The following PTPRG variants were observed in gnomAD, a reference collection of about 807,000 sequenced individuals.
PTPRG encodes the protein receptor-type tyrosine-protein phosphatase gamma.
A neutral mutation model predicts 165.3 loss-of-function variants in PTPRG; 102 were observed. That is an observed-to-expected ratio of 0.62 (90% confidence interval 0.53 to 0.73). The LOEUF is 0.73. Ranked by LOEUF, PTPRG falls within the 30% of genes least tolerant of loss-of-function variation. The pLI, the probability that PTPRG is intolerant of heterozygous loss-of-function variation, is 0.00. For missense variants in PTPRG, 1,866 were observed against 1,861.4 expected (o/e 1.00, Z -0.05); for synonymous variants, 675 against 669.5 (o/e 1.01, Z -0.13).
intron 2 of PTPRG, among the ~76,000 whole-genome samples, chr3:61,909,824 A>G (rs1249324050): frequency 6.6e-6 from 1 of 152,242 alleles, no homozygotes; most frequent in East Asian, 1.9e-4. Flanking sequence ...TTTGTATACA[A>G]TAATATACCA....
chr3:61,956,936 G>A (rs1442367550), intron 2 of PTPRG, among the ~76,000 whole-genome samples: 1 of 151,968 alleles, frequency 6.6e-6, no homozygotes, highest in Non-Finnish European at 1.5e-5. Flanking sequence ...TCTGTGCTTT[G>A]CCTCTTTTAT....
In PTPRG at chr3:61,813,327, T is replaced by TAA. The variant is rs757811011; in HGVS notation, c.190+64363_190+64364dup. On this transcript the variant is annotated intron_variant, in intron 2 of 29. Transcript: ENST00000474889. ...TAACACGGTTAAACCCCATGATTACTAAAAAAAAAAAAAAAAAAATAGAAA... is the reference window on the plus strand; with the variant it reads ...TAACACGGTTAAACCCCATGATTACTAAAAAAAAAAAAAAAAAAAAATAGAAA... Among the ~76,000 whole-genome samples the TAA allele has an allele frequency of 1.5e-3, 131 of 87,480 alleles. 1 individual carries two copies. The highest frequency in any genetic ancestry group is 7.9e-3 in the East Asian group (25 of 3,178). 57.4% of individuals were successfully genotyped at this position (87,480 alleles called of 152,430 possible).
In PTPRG at chr3:62,210,261, A is replaced by T. The variant is rs954923898; in HGVS notation, c.2155+6311A>T. 2.0e-5 allele frequency among the ~76,000 whole-genome samples: 3 copies of T among 152,180 alleles called. No individual in the cohort carries two copies. Among genetic ancestry groups the T allele is most frequent in the African/African-American group, 7.2e-5 (3 of 41,450 alleles). On this transcript the variant is annotated intron_variant, in intron 12 of 29. Coordinates refer to ENST00000474889, the MANE Select transcript of PTPRG (RefSeq NM_002841.4). The surrounding 1 kb of genome is among the most constrained non-coding windows in gnomAD (Gnocchi z 4.1). Reference sequence around the variant, plus strand: ...CCAGTGTCCTGTTGCAAGAGAACATATTTATTTGTAACTGATGAACAATCA... The same window carrying T: ...CCAGTGTCCTGTTGCAAGAGAACATTTTTATTTGTAACTGATGAACAATCA...
intron 5 of PTPRG, among the ~76,000 whole-genome samples, chr3:62,122,113 A>G (rs188097401): frequency 6.6e-6 from 1 of 152,184 alleles, no homozygotes; most frequent in Admixed American, 6.5e-5. Context: ...ATGTTTGTCT[A>G]CTTAAATAAG....
chr3:61,709,521 G>A (rs910079743), intron 1 of PTPRG, among the ~76,000 whole-genome samples: 2 of 152,006 alleles, frequency 1.3e-5, no homozygotes, highest in Non-Finnish European at 2.9e-5. Flanking sequence ...TGCCATGTTG[G>A]CCAGGCTGGT....
chr3:62,142,232 G>T (rs1021324503), intron 6 of PTPRG, among the ~76,000 whole-genome samples: 2 of 152,042 alleles, frequency 1.3e-5, no homozygotes, highest in African/African-American at 4.8e-5. Context: ...TTCAAAACAT[G>T]AGAAAACCCA....
Position 61,676,471 on chromosome 3 carries a change from A to AAAAAAAAAAAAAAAAAAAAAAAG in PTPRG, c.86-72404_86-72403insAAAAAAAAAAAAAAAAAAAGAAA, listed in dbSNP as rs369505317. 2.2e-3 allele frequency among the ~76,000 whole-genome samples: 217 copies of AAAAAAAAAAAAAAAAAAAAAAAG among 99,010 alleles called. 31 individuals are homozygous for AAAAAAAAAAAAAAAAAAAAAAAG. The highest frequency in any genetic ancestry group is 3.2e-3 in the Non-Finnish European group (140 of 43,286). The allele number at this position is 99,010 out of a possible 152,430, so 65.0% of individuals were successfully genotyped here. A position where few individuals can be genotyped will look rare whatever the true frequency, so the allele number is the denominator to read the frequency against. On this transcript the variant is annotated intron_variant, in intron 1 of 29. Transcript: ENST00000474889. ...GACTCCATCTCAAAAAAAAAAAAAA[A>AAAAAAAAAAAAAAAAAAAAAAAG]AAAGAAAATTACTAAAGTCTGTGAA...
chr3:61,984,211 G>C (rs1261184233), intron 2 of PTPRG, among the ~76,000 whole-genome samples: 1 of 152,296 alleles, frequency 6.6e-6, no homozygotes, highest in East Asian at 1.9e-4. Flanking sequence ...GCACACTAAG[G>C]AGGTAGAAGT....
rs1177195211 is a variant in PTPRG at position 62,273,946 on chromosome 3, T to C, written c.3465+102T>C. The C allele has an allele frequency of 2.6e-6, 3 of 1,162,042 alleles. No individual in the cohort carries two copies. The highest frequency in any genetic ancestry group is 3.7e-6 in the Non-Finnish European group (3 of 813,480). 72.0% of individuals were successfully genotyped at this position (1,162,042 alleles called of 1,614,324 possible). On this transcript the variant is annotated intron_variant, in intron 23 of 29. Transcript: ENST00000474889. This position sits in a 1 kb window ranked among gnomAD's most constrained non-coding sequence, Gnocchi z 4.1. Reference sequence around the variant, plus strand: ...CTTTGCATTAATGTATACACCGAAATGGATTACTATTTGTACTCCTTGTAC... The same window carrying C: ...CTTTGCATTAATGTATACACCGAAACGGATTACTATTTGTACTCCTTGTAC...
chr3:61,843,964 CTTTTTTTT>C (rs11310810), intron 2 of PTPRG, among the ~76,000 whole-genome samples: 5 of 122,082 alleles, frequency 4.1e-5, no homozygotes, highest in African/African-American at 6.1e-5. Flanking sequence ...TTTTACAACT[CTTTTTTTT>C]TTTTTTTTTG....
intron 1 of PTPRG, among the ~76,000 whole-genome samples, chr3:61,689,484 T>TA: frequency 6.6e-6 from 1 of 152,336 alleles, no homozygotes; most frequent in South Asian, 2.1e-4. Flanking sequence ...CTCAAATAAA[T>TA]ACATAGGCCA....
intron 2 of PTPRG, among the ~76,000 whole-genome samples, chr3:61,858,379 C>A (rs1045980278): frequency 6.6e-6 from 1 of 152,108 alleles, no homozygotes; most frequent in African/African-American, 2.4e-5. Context: ...CTTAAAAAAG[C>A]ATATTCTGCT....
chr3:62,118,486 C>T (rs190359285), intron 5 of PTPRG: 5 of 152,214 alleles, frequency 3.3e-5, no homozygotes, highest in Admixed American at 3.3e-4. Context: ...TACACTTGAT[C>T]TTAGCCAAAA....
intron 2 of PTPRG, among the ~76,000 whole-genome samples, chr3:61,753,100 T>G (rs2033507551): frequency 6.6e-6 from 1 of 152,176 alleles, no homozygotes; most frequent in Admixed American, 6.5e-5. Flanking sequence ...CACTGGAAGA[T>G]TTGTTGTTTC....
At chr3:61,851,100 T>C (rs1173181099) in intron 2 of PTPRG, among the ~76,000 whole-genome samples, 1 of 152,208 alleles carries the variant, frequency 6.6e-6, no homozygotes, top group African/African-American at 2.4e-5. Flanking sequence ...GTACTAAGAC[T>C]GAGCCCACAA....
At chr3:62,173,080 A>G (rs929472877) in intron 8 of PTPRG, among the ~76,000 whole-genome samples, 1 of 152,212 alleles carries the variant, frequency 6.6e-6, no homozygotes, top group Non-Finnish European at 1.5e-5. Context: ...AGTCCCTTAT[A>G]TAAAATGGTG....
At chr3:62,093,784 T>G (rs918285494) in intron 5 of PTPRG, among the ~76,000 whole-genome samples, 19 of 152,214 alleles carry the variant, frequency 1.2e-4, no homozygotes, top group African/African-American at 4.6e-4. Flanking sequence ...GGGCTGAGCT[T>G]GCTTTTCCTT....
chr3:61,748,871 CTT>C lies in PTPRG; in HGVS notation c.86-6_86-5del. On this transcript the variant is annotated splice_region_variant and splice_polypyrimidine_tract_variant and intron_variant, in intron 1 of 29. Transcript: ENST00000474889. The stretch of plus-strand genomic sequence containing the variant: ...TTTGTCTCATTGTGGGTTTTCCTCT[CTT>C]CCAGCGTTGACAGAAGGCTACGTTG... 1 of 1,612,152 alleles carries C rather than the reference CTT, an allele frequency of 6.2e-7. No individual in the cohort carries two copies. The highest frequency in any genetic ancestry group is 8.5e-7 in the Non-Finnish European group (1 of 1,179,368).
intron 13 of PTPRG, among the ~76,000 whole-genome samples, chr3:62,221,588 CA>C (rs2106894337): frequency 6.6e-6 from 1 of 152,284 alleles, no homozygotes; most frequent in African/African-American, 2.4e-5. Context: ...TTAGCTAGAA[CA>C]ACAGTGCTTT....
Sources: allele counts gnomAD v4.1 joint callset (sites outside exome capture counted in the v4.1 genomes callset), GRCh38; gene constraint gnomAD v4.1.1; non-coding constraint Gnocchi (gnomAD v3.1); transcripts MANE v1.5; gene names NCBI Gene and HGNC (gene_info 2026-07-23, HGNC 2026-07-21).